The following CTNNBL1 variants were observed in gnomAD, a reference collection of about 807,000 sequenced individuals.
CTNNBL1 encodes the protein beta-catenin-like protein 1.
Under a neutral mutation model 72.7 loss-of-function variants are expected in CTNNBL1, and 31 were observed. The observed-to-expected ratio is 0.43, with a 90% confidence interval of 0.32 to 0.58. CTNNBL1 has a LOEUF of 0.58. CTNNBL1 is among the 20% of genes least tolerant of loss of function. The pLI is 0.08. For missense variants in CTNNBL1, 534 were observed against 725.1 expected, an observed-to-expected ratio of 0.74 and a Z score of 3.03; for synonymous variants, 240 against 267.3, an observed-to-expected ratio of 0.90 and a Z score of 1.00.
chr20:37,872,063 A>T lies in CTNNBL1; in HGVS notation c.*50A>T. The T allele has an allele frequency of 6.8e-7, 1 of 1,468,956 alleles. No homozygotes were observed. Among genetic ancestry groups the T allele is most frequent in the Non-Finnish European group, 9.5e-7 (1 of 1,048,064 alleles). The allele number at this position is 1,468,956 out of a possible 1,614,324, so 91.0% of individuals were successfully genotyped here. ...GGACTCTCTCAGCTTCCCTCCCAGG[A>T]TCAGTTTCTACACAACTCTGTGTGG... On this transcript the variant is annotated 3_prime_UTR_variant, in exon 16 of 16. Transcript: ENST00000361383.
intron 10 of CTNNBL1, among the ~76,000 whole-genome samples, chr20:37,780,982 C>A (rs2073620588): frequency 1.3e-5 from 2 of 152,064 alleles, no homozygotes. Flanking sequence ...GCACAGTAGA[C>A]CTCTTCATTT....
chr20:37,778,378 T>C (rs2073594570), intron 9 of CTNNBL1, among the ~76,000 whole-genome samples: 1 of 152,138 alleles, frequency 6.6e-6, no homozygotes, highest in Non-Finnish European at 1.5e-5. Context: ...GAGATGTCAG[T>C]TTGCATACAG....
At chr20:37,804,610 CA>C (rs2071936513) in intron 11 of CTNNBL1, among the ~76,000 whole-genome samples, 1 of 152,320 alleles carries the variant, frequency 6.6e-6, no homozygotes, top group Admixed American at 6.5e-5. Flanking sequence ...CCCTGGTTGT[CA>C]GGGTTGCCTG....
intron 1 of CTNNBL1, among the ~76,000 whole-genome samples, chr20:37,725,759 T>A (rs1193416065): frequency 2.6e-5 from 4 of 151,658 alleles, no homozygotes; most frequent in Non-Finnish European, 4.4e-5. Flanking sequence ...CGAGGCAGGC[T>A]GATCATTTGA....
At chr20:37,794,055 A>T (rs572174434) in intron 10 of CTNNBL1, among the ~76,000 whole-genome samples, 1 of 152,358 alleles carries the variant, frequency 6.6e-6, no homozygotes, top group African/African-American at 2.4e-5. Context: ...CTGGGATTAT[A>T]GGCATGAGCC....
At chr20:37,803,977 T>C (rs576687044) in intron 11 of CTNNBL1, among the ~76,000 whole-genome samples, 1 of 152,212 alleles carries the variant, frequency 6.6e-6, no homozygotes, top group East Asian at 1.9e-4. Flanking sequence ...TCCAGTTGAC[T>C]TGGCTTAGTC....
intron 11 of CTNNBL1, among the ~76,000 whole-genome samples, chr20:37,809,269 C>G (rs187842757): frequency 1.5e-4 from 23 of 152,260 alleles, no homozygotes; most frequent in African/African-American, 5.3e-4. Context: ...TTAAAGGGAA[C>G]ACAAGAACAG....
At position 37,757,673 on chromosome 20, in the gene CTNNBL1, C is replaced by A; in HGVS notation, c.564+17C>A. 2 of 1,599,938 alleles carry A rather than the reference C, an allele frequency of 1.3e-6. No homozygotes were observed. Among genetic ancestry groups the A allele is most frequent in the Non-Finnish European group, 1.7e-6 (2 of 1,167,922 alleles). On this transcript the variant is annotated intron_variant, in intron 5 of 15. Transcript: ENST00000361383. ...GATGCTCTGGTAAGTTGCACATCCT[C>A]TGGGGTTTTGCAGGTTTGTATAAGT... is the stretch of plus-strand genomic sequence containing the variant.
At chr20:37,867,270 C>A (rs1323486296) in intron 15 of CTNNBL1, among the ~76,000 whole-genome samples, 1 of 152,098 alleles carries the variant, frequency 6.6e-6, no homozygotes, top group Non-Finnish European at 1.5e-5. Flanking sequence ...TTCCTCCTCT[C>A]TCCTCCCTCT....
chr20:37,847,140 C>T (rs2072353868), intron 13 of CTNNBL1, among the ~76,000 whole-genome samples: 1 of 152,120 alleles, frequency 6.6e-6, no homozygotes, highest in Admixed American at 6.5e-5. Flanking sequence ...TTAGACCTGC[C>T]ACCAAAAATA....
intron 1 of CTNNBL1, among the ~76,000 whole-genome samples, chr20:37,701,968 C>T (rs563752904): frequency 6.6e-6 from 1 of 152,158 alleles, no homozygotes; most frequent in Admixed American, 6.5e-5. Flanking sequence ...CGTAATACAT[C>T]GTACGCACGT....
At chr20:37,860,610 T>A (rs2072483462) in intron 15 of CTNNBL1, among the ~76,000 whole-genome samples, 2 of 152,164 alleles carry the variant, frequency 1.3e-5, no homozygotes, top group Admixed American at 1.3e-4. Context: ...TAAAATTTTT[T>A]AAAAAAGCAA....
intron 11 of CTNNBL1, among the ~76,000 whole-genome samples, chr20:37,810,025 T>G (rs1400926145): frequency 5.4e-5 from 8 of 149,124 alleles, no homozygotes; most frequent in Admixed American, 2.0e-4. Context: ...CAATACATGG[T>G]TTTTTTTTTA....
At chr20:37,849,353 G>A (rs566740997) in intron 13 of CTNNBL1, among the ~76,000 whole-genome samples, 147 of 152,242 alleles carry the variant, frequency 9.7e-4, no homozygotes, top group African/African-American at 3.4e-3. Context: ...CTCCTGCGCC[G>A]GCCTCATGGT....
At chr20:37,868,915 T>C (rs1238138098) in intron 15 of CTNNBL1, among the ~76,000 whole-genome samples, 1 of 152,194 alleles carries the variant, frequency 6.6e-6, no homozygotes, top group Non-Finnish European at 1.5e-5. Flanking sequence ...TTCCAGACCA[T>C]GCCTCCGGGG....
chr20:37,860,010 G>A lies in CTNNBL1; in HGVS notation c.1504G>A (p.Glu502Lys), dbSNP rs755636908. 18 of 1,614,036 alleles carry A rather than the reference G, an allele frequency of 1.1e-5. No individual in the cohort carries two copies. Among genetic ancestry groups the A allele is most frequent in the Admixed American group, 1.7e-5 (1 of 60,006 alleles). ...VLQHICYIMA[E>K]ICNANVPQIR... is the part of the protein sequence containing the mutation. ...CCAGCACATCTGCTACATCATGGCC[G>A]AGATCTGCAATGCCAATGTCCCCCA... The change falls in exon 14 of 16, where the codon GAG (glutamate) becomes AAG (lysine). Residue 502 changes from glutamate to lysine, a missense_variant. By Grantham distance (56) the Glu-to-Lys change is moderately conservative. Transcript: ENST00000361383.
At chr20:37,706,320 C>T (rs939880368) in intron 1 of CTNNBL1, among the ~76,000 whole-genome samples, 2 of 152,188 alleles carry the variant, frequency 1.3e-5, no homozygotes, top group East Asian at 1.9e-4. Flanking sequence ...TGTTTCATAG[C>T]GTTTTACCCA....
At chr20:37,708,179 G>A (rs937342775) in intron 1 of CTNNBL1, among the ~76,000 whole-genome samples, 4 of 151,814 alleles carry the variant, frequency 2.6e-5, no homozygotes, top group Non-Finnish European at 4.4e-5. Context: ...AAATGGCAGC[G>A]ATAGACTTTC....
At chr20:37,740,114 G>T (rs2073202561) in intron 3 of CTNNBL1, among the ~76,000 whole-genome samples, 1 of 152,042 alleles carries the variant, frequency 6.6e-6, no homozygotes, top group Admixed American at 6.6e-5. Context: ...AATCGGTAGT[G>T]TTTTCCATTC....
Sources: gnomAD v4.1 joint callset for allele counts (sites outside exome capture counted in the v4.1 genomes callset) on GRCh38, gnomAD v4.1.1 for gene constraint, MANE v1.5 for transcripts, NCBI Gene and HGNC (gene_info 2026-07-23, HGNC 2026-07-21) for gene names.